The following ADGRA2 variants were observed in gnomAD, a reference collection of about 807,000 sequenced individuals.
ADGRA2 encodes G-protein coupled receptor 124.
A neutral mutation model predicts 98.7 loss-of-function variants in ADGRA2; 61 were observed. The ratio of observed to expected loss-of-function variants is 0.62; its 90% CI spans 0.50 to 0.76. The LOEUF is 0.76. Ranked by LOEUF, ADGRA2 falls within the 30% of genes least tolerant of loss-of-function variation. The pLI is 0.00. For synonymous variants in ADGRA2, 858 were observed against 831.5 expected (o/e 1.03, Z -0.55); for missense variants, 1,712 against 1,860.0 (o/e 0.92, Z 1.46).
Position 37,830,366 on chromosome 8 carries a change from T to C in ADGRA2, c.719-344T>C, listed in dbSNP as rs1440343547. On this transcript the variant is annotated intron_variant, in intron 6 of 18. Coordinates refer to ENST00000412232, the MANE Select transcript of ADGRA2 (RefSeq NM_032777.10). The surrounding 1 kb of genome is among the most constrained non-coding windows in gnomAD (Gnocchi z 4.8). ...TCCGCCTATGACTGTGTGCTGGGCGTGTCCTCCAGGGCATCCCCTTTCCCT... is the reference window on the plus strand; with the variant it reads ...TCCGCCTATGACTGTGTGCTGGGCGCGTCCTCCAGGGCATCCCCTTTCCCT... 6.6e-6 allele frequency among the ~76,000 whole-genome samples: 1 copy of C among 152,180 alleles called. No homozygotes were observed. Among genetic ancestry groups the C allele is most frequent in the Non-Finnish European group, 1.5e-5 (1 of 68,026 alleles).
chr8:37,838,595 C>G (rs898004877), intron 14 of ADGRA2, among the ~76,000 whole-genome samples: 1 of 152,152 alleles, frequency 6.6e-6, no homozygotes, highest in South Asian at 2.1e-4. Flanking sequence ...ATCTGGGAAC[C>G]CTTCTCCTTC....
At chr8:37,799,190 C>T (rs1317829394) in intron 1 of ADGRA2, among the ~76,000 whole-genome samples, 1 of 152,110 alleles carries the variant, frequency 6.6e-6, no homozygotes, top group Non-Finnish European at 1.5e-5. Flanking sequence ...GCCTGACCAA[C>T]ATAGTGAAAC....
At chr8:37,822,845 C>T (rs1242955691) in intron 2 of ADGRA2, among the ~76,000 whole-genome samples, 1 of 151,996 alleles carries the variant, frequency 6.6e-6, no homozygotes, top group Non-Finnish European at 1.5e-5. Context: ...ATGACTACAC[C>T]ACATTTTGTT....
chr8:37,821,606 C>T (rs1805127705), intron 2 of ADGRA2, among the ~76,000 whole-genome samples: 1 of 152,174 alleles, frequency 6.6e-6, no homozygotes, highest in South Asian at 2.1e-4. Flanking sequence ...ACCAAGCCGG[C>T]CAGGGCAGAC....
chr8:37,816,788 C>A (rs910092094), intron 2 of ADGRA2, among the ~76,000 whole-genome samples: 1 of 151,758 alleles, frequency 6.6e-6, no homozygotes, highest in Non-Finnish European at 1.5e-5. Flanking sequence ...TGGTGGCATG[C>A]GCCTGTAGTC....
chr8:37,810,902 G>T (rs1449395224), intron 1 of ADGRA2, among the ~76,000 whole-genome samples: 1 of 151,960 alleles, frequency 6.6e-6, no homozygotes, highest in East Asian at 2.0e-4. Context: ...GGATCATGAG[G>T]TCAGGAGATC....
At chr8:37,799,353 C>T (rs374164990) in intron 1 of ADGRA2, among the ~76,000 whole-genome samples, 47 of 147,094 alleles carry the variant, frequency 3.2e-4, no homozygotes, top group African/African-American at 1.1e-3. Context: ...CCAGCCTGGG[C>T]GACAGAGCGA....
intron 2 of ADGRA2, 92 bp downstream of exon 2, chr8:37,815,059 G>A: frequency 1.1e-6 from 1 of 926,878 alleles, no homozygotes; most frequent in Non-Finnish European, 1.8e-6. Context: ...GTCGCTGAGT[G>A]ACTCCAGAAC....
At chr8:37,829,214 C>T (rs765336669) in intron 3 of ADGRA2, 47 bp from the exon 4 acceptor site, 26 of 1,433,568 alleles carry the variant, frequency 1.8e-5, no homozygotes, top group Middle Eastern at 3.5e-4. Context: ...AGTGGACCCA[C>T]GTGCTGCCAC....
Position 37,833,144 on chromosome 8 carries a change from C to T in ADGRA2, c.1232C>T (p.Pro411Leu). ...RRCDRAGRWE[P>L]GDYSHCLYTN... is the part of the protein sequence containing the mutation. ...TGTGACCGTGCCGGCCGCTGGGAGC[C>T]AGGGGACTACTCCCACTGTCTCTAC... The change falls in exon 9 of 19, where the codon CCA becomes CTA. Residue 411 changes from proline (P) to leucine (L), a missense_variant. Physicochemically the swap from Pro to Leu is moderately conservative, Grantham distance 98. Transcript: ENST00000412232. 1 of 1,613,200 alleles carries T rather than the reference C, an allele frequency of 6.2e-7. No homozygotes were observed. The highest frequency in any genetic ancestry group is 8.5e-7 in the Non-Finnish European group (1 of 1,179,828).
In ADGRA2 at chr8:37,844,078, C is replaced by G. The variant is rs969602906; in HGVS notation, c.*1723C>G. On this transcript the variant is annotated 3_prime_UTR_variant, in exon 19 of 19. Transcript: ENST00000412232. ...GTGAATGCACGTAGGGCCAGAATTCCCCAGTTCCCGCTCCTCTGAGGGTTG... is the reference window on the plus strand; with the variant it reads ...GTGAATGCACGTAGGGCCAGAATTCGCCAGTTCCCGCTCCTCTGAGGGTTG... 3.1e-5 allele frequency: 6 copies of G among 193,418 alleles called. No homozygotes were observed. The highest frequency in any genetic ancestry group is 1.4e-4 in the African/African-American group (6 of 43,522). 12.0% of individuals were successfully genotyped at this position (193,418 alleles called of 1,614,324 possible).
At chr8:37,829,659 T>G (rs576391653) in intron 5 of ADGRA2, 100 bp downstream of exon 5, 1 of 1,005,390 alleles carries the variant, frequency 9.9e-7, no homozygotes, top group African/African-American at 1.6e-5. Context: ...GTCTCACGAG[T>G]GGCCACAGCA....
At chr8:37,832,976 C>T (rs766775608) in intron 8 of ADGRA2, 34 bp from the exon 9 acceptor site, 25 of 1,547,162 alleles carry the variant, frequency 1.6e-5, no homozygotes, top group Admixed American at 3.4e-5. Flanking sequence ...CTGAGAAGCC[C>T]GGTTCATCGG....
intron 8 of ADGRA2, among the ~76,000 whole-genome samples, chr8:37,831,828 G>T (rs557842907): frequency 1.3e-5 from 2 of 152,348 alleles, no homozygotes; most frequent in African/African-American, 4.8e-5. Context: ...ACTTTGGAAG[G>T]CCAAGGCAGG....
chr8:37,820,672 G>A (rs186586182), intron 2 of ADGRA2, among the ~76,000 whole-genome samples: 6 of 152,384 alleles, frequency 3.9e-5, no homozygotes, highest in Admixed American at 3.3e-4. Flanking sequence ...TCTGTTAACT[G>A]AAACGGAAGC....
At position 37,841,216 on chromosome 8, in the gene ADGRA2, G is replaced by A; in HGVS notation, c.2878G>A (p.Ala960Thr). 2 of 1,613,624 alleles carry A rather than the reference G, an allele frequency of 1.2e-6. No homozygotes were observed. Among genetic ancestry groups the A allele is most frequent in the South Asian group, 1.1e-5 (1 of 91,090 alleles). Residue 960 changes from alanine to threonine, a missense_variant, in exon 19 of 19, where the codon GCG becomes ACG. By Grantham distance (58) the Ala-to-Thr change is moderately conservative (BLOSUM62 0). Transcript: ENST00000412232. The surrounding 1 kb of genome is among the most constrained non-coding windows in gnomAD (Gnocchi z 5.0). Reference protein sequence around the residue: ...LRGPLAQNPKAGNSRASLEAG... With the variant: ...LRGPLAQNPKTGNSRASLEAG... Reference sequence around the variant, plus strand: ...GGGTCCTCTGGCACAGAACCCCAAGGCGGGCAACAGCAGGGCCTCCCTGGA... The same window carrying A: ...GGGTCCTCTGGCACAGAACCCCAAGACGGGCAACAGCAGGGCCTCCCTGGA...
intron 1 of ADGRA2, among the ~76,000 whole-genome samples, chr8:37,808,130 G>A (rs1804729482): frequency 2.0e-5 from 3 of 152,202 alleles, no homozygotes; most frequent in Admixed American, 1.3e-4. Context: ...AATGGACTCG[G>A]TGTGCCCCCT....
rs775602160 is a variant in ADGRA2, at chr8:37,841,454, C to T, written c.3116C>T (p.Ala1039Val). Residue 1039 changes from alanine (A) to valine (V), a missense_variant, in exon 19 of 19, where the codon GCA (alanine) becomes GTA (valine). Ala to Val is a moderately conservative substitution (Grantham distance 64, BLOSUM62 0). Coordinates refer to ENST00000412232, the MANE Select transcript of ADGRA2 (RefSeq NM_032777.10). The surrounding 1 kb of genome is among the most constrained non-coding windows in gnomAD (Gnocchi z 5.0). Reference protein sequence around the residue: ...YLAMWACGALAVSQRWLPRVV... With the variant: ...YLAMWACGALVVSQRWLPRVV... ...GCCATGTGGGCCTGCGGGGCTCTGG[C>T]AGTGTCCCAGCGCTGGCTGCCCCGG... 4.3e-6 allele frequency: 7 copies of T among 1,612,920 alleles called. 1 individual carries two copies. The South Asian group carries it at 5.5e-5, about 13-fold the overall frequency.
intron 2 of ADGRA2, among the ~76,000 whole-genome samples, chr8:37,827,733 T>C (rs953760677): frequency 2.0e-5 from 3 of 152,206 alleles, no homozygotes; most frequent in African/African-American, 7.2e-5. Flanking sequence ...CTTACACCCC[T>C]GCCCTGGAGA....
Sources: gnomAD v4.1 joint callset for allele counts (sites outside exome capture counted in the v4.1 genomes callset) on GRCh38, gnomAD v4.1.1 for gene constraint, Gnocchi (gnomAD v3.1) non-coding constraint, MANE v1.5 for transcripts, NCBI Gene and HGNC (gene_info 2026-07-23, HGNC 2026-07-21) for gene names.